Variants in HEATR5B observed in about 807,000 individuals in gnomAD.
HEATR5B encodes HEAT repeat-containing protein 5B.
HEATR5B carries 156 observed loss-of-function variants against 224.1 expected under a neutral mutation model. That is an observed-to-expected ratio of 0.70 (90% CI 0.61 to 0.80). The LOEUF (loss-of-function observed/expected upper bound fraction) is 0.80. HEATR5B is among the 30% of genes least tolerant of loss of function. HEATR5B has a pLI of 0.00. For synonymous variants in HEATR5B, 1,027 were observed against 893.0 expected (o/e 1.15, Z -2.68); for missense variants, 2,323 against 2,535.5 (o/e 0.92, Z 1.80).
intron 33 of HEATR5B, among the ~76,000 whole-genome samples, chr2:36,995,091 T>TTTTTTTTTTTG (rs1558702398): frequency 1.4e-5 from 2 of 141,184 alleles, no homozygotes; most frequent in Non-Finnish European, 3.1e-5. Context: ...TTCCTTGTTT[T>TTTTTTTTTTTG]TTTTTTTTTT....
At chr2:36,984,237 T>TATATATATATATATAA (rs1217602304) in intron 35 of HEATR5B, among the ~76,000 whole-genome samples, 16 of 112,014 alleles carry the variant, frequency 1.4e-4, no homozygotes, top group Non-Finnish European at 1.3e-4. Flanking sequence ...TATATATATA[T>TATATATATATATATAA]AAAACTGGAA....
In HEATR5B at chr2:37,041,365, C is replaced by A. The variant is rs1012051301; in HGVS notation, c.2697-73G>T. 4.4e-6 allele frequency: 6 copies of A among 1,359,264 alleles called. No homozygotes were observed. The African/African-American group carries it at 8.7e-5, about 20-fold the overall frequency. 84.2% of individuals were successfully genotyped at this position (1,359,264 alleles called of 1,614,324 possible). A position where few individuals can be genotyped will look rare whatever the true frequency, so the allele number is the denominator to read the frequency against. On this transcript the variant is annotated intron_variant, in intron 18 of 35. Transcript: ENST00000233099. ...AAAAACAACAACATTATAAGTCACA[C>A]AAAAACTGGGATTTATTGGGGAAAT... is the stretch of plus-strand genomic sequence containing the variant.
chr2:36,992,468 C>G (rs542198470), intron 33 of HEATR5B, among the ~76,000 whole-genome samples: 17 of 152,132 alleles, frequency 1.1e-4, no homozygotes, highest in African/African-American at 3.6e-4. Flanking sequence ...GCAGTCCCAG[C>G]TACCTGGGAG....
chr2:36,981,704 T>C lies in HEATR5B; in HGVS notation c.6002A>G (p.Asp2001Gly), dbSNP rs1243749327. Reference protein sequence around the residue: ...SFASASSASKDLHEFALQNLM... With the variant: ...SFASASSASKGLHEFALQNLM... The stretch of plus-strand genomic sequence containing the variant: ...ATTCTGGAGTGCAAACTCATGAAGA[T>C]CTTTGGAAGCTGAACTTGCTGAGGC... Residue 2001 changes from aspartate (D) to glycine (G), a missense_variant, in exon 36 of 36, where the codon GAT becomes GGT. By Grantham distance (94) the Asp-to-Gly change is moderately conservative. This residue lies in a region of HEATR5B where 844 missense variants were observed against 812.9 expected (regional missense o/e 1.04). Transcript: ENST00000233099. The C allele has an allele frequency of 6.2e-7, 1 of 1,614,136 alleles. No individual in the cohort carries two copies. Among genetic ancestry groups the C allele is most frequent in the Non-Finnish European group, 8.5e-7 (1 of 1,180,014 alleles).
intron 24 of HEATR5B, among the ~76,000 whole-genome samples, chr2:37,024,454 T>C (rs1668647233): frequency 6.6e-6 from 1 of 152,262 alleles, no homozygotes. Context: ...TAGATTTAAC[T>C]ATTCTACAAT....
intron 26 of HEATR5B, among the ~76,000 whole-genome samples, chr2:37,016,188 C>A (rs1668106866): frequency 6.6e-6 from 1 of 150,438 alleles, no homozygotes; most frequent in African/African-American, 2.5e-5. Context: ...TTTTGGCTCA[C>A]TGCAACCTCC....
Position 37,058,954 on chromosome 2 carries a change from A to T in HEATR5B, c.1883T>A (p.Leu628Gln). ...TTTTCGAATCACATCTTCAGTTAGTAGCTCAGGACAATGTGCAACGAAGCT... is the reference window on the plus strand; with the variant it reads ...TTTTCGAATCACATCTTCAGTTAGTTGCTCAGGACAATGTGCAACGAAGCT... ...MRSFVAHCPELLTEDVIRKLM... is the reference protein window; with the variant it reads ...MRSFVAHCPEQLTEDVIRKLM... Residue 628 changes from leucine (L) to glutamine (Q), a missense_variant, in exon 13 of 36, where the codon CTA becomes CAA. By Grantham distance (113) the Leu-to-Gln change is moderately radical. This residue lies in a region of HEATR5B where 502 missense variants were observed against 517.8 expected (regional missense o/e 0.97). Coordinates refer to ENST00000233099, the MANE Select transcript of HEATR5B (RefSeq NM_019024.3). 1.2e-6 allele frequency: 2 copies of T among 1,610,576 alleles called. No individual in the cohort carries two copies. The highest frequency in any genetic ancestry group is 1.7e-6 in the Non-Finnish European group (2 of 1,177,774).
chr2:37,057,257 G>T, intron 15 of HEATR5B, 60 bp downstream of exon 15: 2 of 1,287,658 alleles, frequency 1.6e-6, no homozygotes. Context: ...AAGTGACAAT[G>T]TGTAATAGGA....
intron 2 of HEATR5B, 67 bp downstream of exon 2, chr2:37,083,222 T>C: frequency 1.3e-6 from 2 of 1,571,034 alleles, no homozygotes; most frequent in East Asian, 4.5e-5. Context: ...ACATGTGTTT[T>C]CTTAAGAATC....
rs766148486 is a variant in HEATR5B at position 36,989,899 on chromosome 2, CTTTTTTTTT to C, written c.5697+740_5697+748del. On this transcript the variant is annotated intron_variant, in intron 34 of 35. Coordinates refer to ENST00000233099, the MANE Select transcript of HEATR5B (RefSeq NM_019024.3). ...CAGTACTGGAATCCAAGAATGTTTC[CTTTTTTTTT>C]TTTTTTTTTTTTTTTGAGACGGAGT... 2.0e-4 allele frequency among the ~76,000 whole-genome samples: 18 copies of C among 88,910 alleles called. No homozygotes were observed. The South Asian group carries it at 6.2e-3, about 31-fold the overall frequency. The allele number at this position is 88,910 out of a possible 152,430, so 58.3% of individuals were successfully genotyped here.
At chr2:37,058,647 A>T (rs991758650) in intron 13 of HEATR5B, 87 bp from the exon 14 acceptor site, 9 of 864,462 alleles carry the variant, frequency 1.0e-5, no homozygotes, top group Admixed American at 8.2e-5. Flanking sequence ...ATGTACTGCC[A>T]AACTACACTG....
intron 18 of HEATR5B, among the ~76,000 whole-genome samples, chr2:37,044,950 A>T (rs1039281735): frequency 8.5e-5 from 13 of 152,324 alleles, no homozygotes; most frequent in African/African-American, 3.1e-4. Flanking sequence ...CTGGTGTAAG[A>T]TGTCAATACA....
intron 17 of HEATR5B, among the ~76,000 whole-genome samples, chr2:37,053,114 A>C (rs550799259): frequency 1.8e-4 from 28 of 152,178 alleles, no homozygotes; most frequent in Non-Finnish European, 3.5e-4. Context: ...GCAATCTCTA[A>C]ATGCAGCATT....
At chr2:37,033,519 T>A (rs1379098620) in intron 21 of HEATR5B, among the ~76,000 whole-genome samples, 1 of 151,998 alleles carries the variant, frequency 6.6e-6, no homozygotes, top group Non-Finnish European at 1.5e-5. Context: ...GCAAAGGAGG[T>A]TATCAAAGTG....
rs75857402 is a variant in HEATR5B, at chr2:36,983,015, A to G, written c.5912-1221T>C. On this transcript the variant is annotated intron_variant, in intron 35 of 35. Transcript: ENST00000233099. ...TGTTTTATTTCACGAGAAATTCTCAATGCCTAGAACACTACCTGGTACACA... is the reference window on the plus strand; with the variant it reads ...TGTTTTATTTCACGAGAAATTCTCAGTGCCTAGAACACTACCTGGTACACA... Among the ~76,000 whole-genome samples, 49 of 152,244 alleles carry G rather than the reference A, an allele frequency of 3.2e-4. 1 individual carries two copies. In the East Asian group the frequency reaches 8.7e-3, roughly 27 times the overall value.
chr2:37,025,313 G>A (rs534976940), intron 24 of HEATR5B, among the ~76,000 whole-genome samples: 5 of 152,144 alleles, frequency 3.3e-5, no homozygotes, highest in African/African-American at 1.2e-4. Context: ...CACACTGAGA[G>A]AAAATTCCAA....
intron 35 of HEATR5B, 67 bp from the exon 36 acceptor site, chr2:36,981,861 C>T: frequency 8.3e-7 from 1 of 1,209,768 alleles, no homozygotes; most frequent in East Asian, 2.4e-5. Context: ...AAAAACTAGG[C>T]AATTGCCATG....
chr2:37,029,162 G>A (rs1003819883), intron 22 of HEATR5B, among the ~76,000 whole-genome samples: 1 of 152,022 alleles, frequency 6.6e-6, no homozygotes, highest in Non-Finnish European at 1.5e-5. Flanking sequence ...CAAATCTCAG[G>A]GAACTCTCAA....
intron 21 of HEATR5B, among the ~76,000 whole-genome samples, chr2:37,037,307 G>A (rs1047073636): frequency 1.4e-4 from 21 of 151,034 alleles, no homozygotes; most frequent in South Asian, 8.4e-4. Flanking sequence ...CACCACGCCC[G>A]GCTAATTTTG....
Sources: gnomAD v4.1 joint callset for allele counts (sites outside exome capture counted in the v4.1 genomes callset) on GRCh38, gnomAD v4.1.1 for gene constraint, gnomAD v4.1.1 regional missense constraint, MANE v1.5 for transcripts, NCBI Gene and HGNC (gene_info 2026-07-23, HGNC 2026-07-21) for gene names.